TRAM2: variants seen among roughly 807,000 people sequenced by gnomAD.
TRAM2 encodes translocating chain-associated membrane protein 2.
A neutral mutation model predicts 51.0 loss-of-function variants in TRAM2; 12 were observed. The ratio of observed to expected loss-of-function variants is 0.24; its 90% CI spans 0.15 to 0.38. The LOEUF (loss-of-function observed/expected upper bound fraction) is 0.38. Ranked by LOEUF, TRAM2 falls within the 10% of genes least tolerant of loss-of-function variation. The probability of loss-of-function intolerance (pLI) is 1.00; values close to 1 mark genes in which losing one functional copy is unlikely to be tolerated. For missense variants in TRAM2, 361 were observed against 462.0 expected (o/e 0.78, Z 2.00); for synonymous variants, 175 against 179.4 (o/e 0.98, Z 0.20).
At chr6:52,532,706 T>G (rs572269953) in intron 2 of TRAM2, among the ~76,000 whole-genome samples, 3 of 152,184 alleles carry the variant, frequency 2.0e-5, no homozygotes, top group Admixed American at 6.5e-5. Context: ...ATTGGATAAT[T>G]TGTGGTAATC....
Position 52,516,636 on chromosome 6 carries a change from T to C in TRAM2, c.286A>G (p.Ile96Val), listed in dbSNP as rs1766554261. Residue 96 changes from isoleucine (I) to valine (V), a missense_variant, in exon 3 of 11, where the codon ATT becomes GTT. By Grantham distance (29) the Ile-to-Val change is conservative. Coordinates refer to ENST00000182527, the MANE Select transcript of TRAM2 (RefSeq NM_012288.4). ...CCAGACATGTCACTTACATCTAAAATGTACTCCTGAACCACAGCATGCAAG... is the reference window on the plus strand; with the variant it reads ...CCAGACATGTCACTTACATCTAAAACGTACTCCTGAACCACAGCATGCAAG... ...IILHAVVQEY[I>V]LDKISKRLHL... is the part of the protein sequence containing the mutation. 2 of 1,613,544 alleles carry C rather than the reference T, an allele frequency of 1.2e-6. No individual in the cohort carries two copies. Among genetic ancestry groups the C allele is most frequent in the Non-Finnish European group, 1.7e-6 (2 of 1,179,476 alleles).
intron 1 of TRAM2, among the ~76,000 whole-genome samples, chr6:52,572,520 T>C (rs1767697578): frequency 6.6e-6 from 1 of 152,322 alleles, no homozygotes; most frequent in Admixed American, 6.5e-5. Flanking sequence ...AGAGAATCGC[T>C]GGAACCTGGG....
intron 1 of TRAM2, among the ~76,000 whole-genome samples, chr6:52,547,300 C>G (rs1318188587): frequency 6.6e-6 from 1 of 152,156 alleles, no homozygotes; most frequent in Non-Finnish European, 1.5e-5. Flanking sequence ...GGTATTTCTT[C>G]AGGAACTGAG....
At chr6:52,563,420 T>C (rs1387538803) in intron 1 of TRAM2, among the ~76,000 whole-genome samples, 1 of 152,072 alleles carries the variant, frequency 6.6e-6, no homozygotes, top group Non-Finnish European at 1.5e-5. Context: ...TAAAAGCCAA[T>C]AAAAAGTGGT....
chr6:52,522,787 C>T (rs1365471860), intron 2 of TRAM2: 2 of 628,426 alleles, frequency 3.2e-6, no homozygotes, highest in East Asian at 5.6e-5. Context: ...GTTTTGACAA[C>T]CTCTGTGAGC....
At chr6:52,522,266 G>A (rs1766690965) in intron 2 of TRAM2, among the ~76,000 whole-genome samples, 1 of 152,238 alleles carries the variant, frequency 6.6e-6, no homozygotes. Flanking sequence ...GAGAGGAGGG[G>A]CACACCCCAC....
intron 1 of TRAM2, among the ~76,000 whole-genome samples, chr6:52,553,357 A>G (rs567415679): frequency 3.6e-4 from 55 of 152,274 alleles, no homozygotes; most frequent in Non-Finnish European, 6.9e-4. Flanking sequence ...AAGTCCTGCA[A>G]TAAAGAAACA....
intron 2 of TRAM2, among the ~76,000 whole-genome samples, chr6:52,522,252 A>T (rs1766690645): frequency 6.6e-6 from 1 of 152,262 alleles, no homozygotes; most frequent in South Asian, 2.1e-4. Context: ...TCAGGAACAC[A>T]CTAGAGAGGA....
chr6:52,499,366 T>A lies in TRAM2; in HGVS notation c.*3831A>T, dbSNP rs1766158456. 1 of 152,188 alleles carries A rather than the reference T, an allele frequency of 6.6e-6. No individual in the cohort carries two copies. The highest frequency in any genetic ancestry group is 2.4e-5 in the African/African-American group (1 of 41,426). The allele number at this position is 152,188 out of a possible 1,614,324, so 9.4% of individuals were successfully genotyped here. ...AATTGAAGTTTGTGCACTTGTGCCA[T>A]AGGCCCTTAAGCAAAAGAATTAGTT... On this transcript the variant is annotated 3_prime_UTR_variant, in exon 11 of 11. Transcript: ENST00000182527.
chr6:52,567,755 TAC>T (rs1767612070), intron 1 of TRAM2, among the ~76,000 whole-genome samples: 1 of 152,222 alleles, frequency 6.6e-6, no homozygotes, highest in African/African-American at 2.4e-5. Context: ...CTTTCCAATA[TAC>T]AGATTTTCTC....
At chr6:52,515,391 T>A (rs1766528877) in intron 4 of TRAM2, among the ~76,000 whole-genome samples, 1 of 152,228 alleles carries the variant, frequency 6.6e-6, no homozygotes, top group African/African-American at 2.4e-5. Flanking sequence ...AGAGTCTGTT[T>A]ACATAGAAAG....
intron 3 of TRAM2, chr6:52,516,341 G>A: frequency 1.7e-6 from 1 of 595,198 alleles, no homozygotes; most frequent in Non-Finnish European, 3.0e-6. Flanking sequence ...TCTAGCCTAT[G>A]TGTAAAGAAA....
chr6:52,549,177 T>C (rs186684008), intron 1 of TRAM2, among the ~76,000 whole-genome samples: 1 of 152,280 alleles, frequency 6.6e-6, no homozygotes, highest in East Asian at 1.9e-4. Flanking sequence ...TCAAATGAAC[T>C]AGTCTAAAAT....
chr6:52,525,360 A>ACT (rs1766758692), intron 2 of TRAM2, among the ~76,000 whole-genome samples: 1 of 152,084 alleles, frequency 6.6e-6, no homozygotes, highest in Non-Finnish European at 1.5e-5. Context: ...CATTGTCCCC[A>ACT]CTCTCCAGGC....
At chr6:52,550,560 AT>A (rs924690279) in intron 1 of TRAM2, among the ~76,000 whole-genome samples, 3 of 151,362 alleles carry the variant, frequency 2.0e-5, no homozygotes, top group African/African-American at 7.3e-5. Context: ...TTTTATTTTT[AT>A]TTTTTTTGCG....
At chr6:52,571,181 T>C (rs1429302873) in intron 1 of TRAM2, among the ~76,000 whole-genome samples, 1 of 152,120 alleles carries the variant, frequency 6.6e-6, no homozygotes, top group Non-Finnish European at 1.5e-5. Flanking sequence ...AGCCTGCTAA[T>C]AGCGCTCTCG....
chr6:52,505,428 T>A (rs1281944003), intron 9 of TRAM2, among the ~76,000 whole-genome samples, 171 bp downstream of exon 9: 1 of 152,198 alleles, frequency 6.6e-6, no homozygotes, highest in African/African-American at 2.4e-5. Flanking sequence ...ATGGTTTGGA[T>A]GGAACCAGAG....
At chr6:52,566,053 G>A (rs1767585297) in intron 1 of TRAM2, among the ~76,000 whole-genome samples, 1 of 152,192 alleles carries the variant, frequency 6.6e-6, no homozygotes, top group East Asian at 1.9e-4. Context: ...GAAATTAGAA[G>A]TTACATGAGA....
intron 2 of TRAM2, chr6:52,524,016 A>T (rs900326761): frequency 6.6e-6 from 1 of 152,230 alleles, no homozygotes; most frequent in African/African-American, 2.4e-5. Context: ...GCAAAAATTT[A>T]AAAAATATTT....
Sources: gnomAD v4.1 joint callset for allele counts (sites outside exome capture counted in the v4.1 genomes callset) on GRCh38, gnomAD v4.1.1 for gene constraint, MANE v1.5 for transcripts, NCBI Gene and HGNC (gene_info 2026-07-23, HGNC 2026-07-21) for gene names.